Variants in RCAN2 observed in about 807,000 individuals in gnomAD.
RCAN2 encodes the protein calcipressin-2.
A neutral mutation model predicts 23.6 loss-of-function variants in RCAN2; 9 were observed. The ratio of observed to expected loss-of-function variants is 0.38; its 90% confidence interval spans 0.23 to 0.67. The LOEUF is 0.67. RCAN2 is among the 30% of genes least tolerant of loss of function. The pLI, the probability that RCAN2 is intolerant of heterozygous loss-of-function variation, is 0.51. For synonymous variants in RCAN2, 109 were observed against 115.7 expected (o/e 0.94, Z 0.37); for missense variants, 273 against 302.3 (o/e 0.90, Z 0.72).
chr6:46,458,892 C>CGT (rs2150434151), intron 1 of RCAN2, among the ~76,000 whole-genome samples: 1 of 133,392 alleles, frequency 7.5e-6, no homozygotes, highest in South Asian at 2.6e-4. Context: ...AAAACGCGCG[C>CGT]GCACGTGTGT....
At chr6:46,293,472 T>G (rs1762630783) in intron 2 of RCAN2, among the ~76,000 whole-genome samples, 1 of 152,170 alleles carries the variant, frequency 6.6e-6, no homozygotes, top group South Asian at 2.1e-4. Context: ...CTTTAATAGA[T>G]TAGCAAAAAT....
chr6:46,375,266 T>C (rs1765427322), intron 2 of RCAN2, among the ~76,000 whole-genome samples: 1 of 152,210 alleles, frequency 6.6e-6, no homozygotes, highest in Non-Finnish European at 1.5e-5. Flanking sequence ...TGAAGTTCAA[T>C]TCATGAGGTT....
chr6:46,387,326 T>C (rs536001942), intron 2 of RCAN2, among the ~76,000 whole-genome samples: 69 of 152,210 alleles, frequency 4.5e-4, no homozygotes, highest in African/African-American at 1.5e-3. Flanking sequence ...ACCTACAGAA[T>C]GGGAGAAAAT....
chr6:46,248,864 A>T lies in RCAN2; in HGVS notation c.258T>A (p.Asp86Glu). The T allele has an allele frequency of 6.2e-7, 1 of 1,611,132 alleles. No homozygotes were observed. Among genetic ancestry groups the T allele is most frequent in the Non-Finnish European group, 8.5e-7 (1 of 1,179,298 alleles). Residue 86 changes from aspartate (D) to glutamate (E), a missense_variant, in exon 3 of 5, where the codon GAT becomes GAA. By Grantham distance (45) the Asp-to-Glu change is conservative. Coordinates refer to ENST00000371374, the MANE Select transcript of RCAN2 (RefSeq NM_001251974.2). ...EKFEGLFRTY[D>E]DCVTFQLFKS... The stretch of plus-strand genomic sequence containing the variant: ...TAAATAGCTGGAACGTCACACAGTC[A>T]TCATAAGTCCGAAACAGTCCCTCAA...
intron 2 of RCAN2, among the ~76,000 whole-genome samples, chr6:46,353,119 A>G (rs185241948): frequency 5.6e-4 from 86 of 152,252 alleles, no homozygotes; most frequent in Middle Eastern, 3.4e-3. Flanking sequence ...CATGTGTAGA[A>G]AATGGCAAAT....
chr6:46,403,301 G>A (rs942856331), intron 2 of RCAN2, among the ~76,000 whole-genome samples: 2 of 151,276 alleles, frequency 1.3e-5, no homozygotes, highest in African/African-American at 2.4e-5. Context: ...GGCTGGGCAC[G>A]ATGGCTCACA....
chr6:46,410,424 G>A (rs1766515286), intron 2 of RCAN2, among the ~76,000 whole-genome samples: 1 of 152,028 alleles, frequency 6.6e-6, no homozygotes, highest in Non-Finnish European at 1.5e-5. Context: ...ATTTTCAATC[G>A]TACATTTGAA....
chr6:46,452,408 G>A (rs1029800212), intron 2 of RCAN2, among the ~76,000 whole-genome samples: 4 of 152,192 alleles, frequency 2.6e-5, no homozygotes, highest in African/African-American at 9.7e-5. Flanking sequence ...TGCATTACAT[G>A]TTCATGATAG....
chr6:46,432,196 G>T (rs972889384), intron 2 of RCAN2, among the ~76,000 whole-genome samples: 5 of 151,714 alleles, frequency 3.3e-5, no homozygotes, highest in Admixed American at 6.6e-5. Flanking sequence ...TGTTTTGGGG[G>T]TTTTTTGTTT....
intron 1 of RCAN2, among the ~76,000 whole-genome samples, chr6:46,490,399 A>G (rs1399673806): frequency 6.6e-6 from 1 of 152,236 alleles, no homozygotes; most frequent in Non-Finnish European, 1.5e-5. Flanking sequence ...GCATTCTGCT[A>G]TAATTCATTT....
intron 1 of RCAN2, among the ~76,000 whole-genome samples, chr6:46,478,396 C>G (rs1284127997): frequency 6.6e-6 from 1 of 152,092 alleles, no homozygotes; most frequent in African/African-American, 2.4e-5. Flanking sequence ...AATAGAAAAC[C>G]TTTATTGAAA....
chr6:46,429,512 T>C (rs1438108001), intron 2 of RCAN2, among the ~76,000 whole-genome samples: 3 of 152,188 alleles, frequency 2.0e-5, no homozygotes, highest in Admixed American at 1.3e-4. Context: ...AAGGAAAATA[T>C]TATCTTGAGA....
chr6:46,469,334 A>G (rs564395840), intron 1 of RCAN2, among the ~76,000 whole-genome samples: 1 of 152,324 alleles, frequency 6.6e-6, no homozygotes, highest in South Asian at 2.1e-4. Context: ...CCTAGAAAAA[A>G]AACAAACTGA....
intron 2 of RCAN2, among the ~76,000 whole-genome samples, chr6:46,296,574 A>C (rs1762735339): frequency 6.6e-6 from 1 of 152,184 alleles, no homozygotes; most frequent in Non-Finnish European, 1.5e-5. Context: ...TACATTTTAA[A>C]AATTCAATAT....
chr6:46,390,687 A>C (rs1765907768), intron 2 of RCAN2, among the ~76,000 whole-genome samples: 1 of 152,196 alleles, frequency 6.6e-6, no homozygotes. Flanking sequence ...CTAGACTGTA[A>C]AGGAATGTCA....
intron 4 of RCAN2, among the ~76,000 whole-genome samples, chr6:46,232,971 AC>A (rs1383980968): frequency 6.6e-6 from 1 of 152,156 alleles, no homozygotes; most frequent in Non-Finnish European, 1.5e-5. Flanking sequence ...GGATACTGGC[AC>A]ACACACAATG....
At chr6:46,462,946 A>G (rs1402016420) in intron 1 of RCAN2, among the ~76,000 whole-genome samples, 1 of 152,228 alleles carries the variant, frequency 6.6e-6, no homozygotes, top group Non-Finnish European at 1.5e-5. Flanking sequence ...GCCTTTAAAT[A>G]TAAAAGGAGA....
chr6:46,279,506 G>C (rs1561840315), intron 2 of RCAN2, among the ~76,000 whole-genome samples: 1 of 152,174 alleles, frequency 6.6e-6, no homozygotes. Flanking sequence ...CCCTAATTGT[G>C]ACAACGTGTT....
intron 2 of RCAN2, among the ~76,000 whole-genome samples, chr6:46,353,519 C>CT (rs1764726699): frequency 6.6e-6 from 1 of 152,152 alleles, no homozygotes; most frequent in Non-Finnish European, 1.5e-5. Context: ...GAAATCTACT[C>CT]TTTGTGTAAG....
Sources: allele counts gnomAD v4.1 joint callset (sites outside exome capture counted in the v4.1 genomes callset), GRCh38; gene constraint gnomAD v4.1.1; transcripts MANE v1.5; gene names NCBI Gene and HGNC (gene_info 2026-07-23, HGNC 2026-07-21).